Variants in ATAD2B observed in about 807,000 individuals in gnomAD.
ATAD2B encodes ATPase family AAA domain-containing protein 2B.
In ATAD2B, 40 loss-of-function variants were observed where a neutral mutation model predicts 167.6. That is an observed-to-expected ratio of 0.24 (90% CI 0.19 to 0.31). The LOEUF (loss-of-function observed/expected upper bound fraction) is 0.31, where lower values mean the gene tolerates loss of function less well. Among genes scored for constraint, ATAD2B ranks in the 10% least tolerant of loss-of-function variants. ATAD2B has a pLI of 1.00. For missense variants in ATAD2B, 1,242 were observed against 1,757.2 expected (o/e 0.71, Z 5.24); for synonymous variants, 579 against 596.5 (o/e 0.97, Z 0.43).
At position 23,834,076 on chromosome 2, in the gene ATAD2B, G is replaced by C; in HGVS notation, c.1571C>G (p.Ser524Cys). The change falls in exon 14 of 28, where the codon TCT becomes TGT. Residue 524 changes from serine (S) to cysteine (C), a missense_variant and splice_region_variant. This residue lies in a region of ATAD2B where 151 missense variants were observed against 284.1 expected (regional missense o/e 0.53). Transcript: ENST00000238789. ...AAGAGCAAGGAGGGTTGATACTATAGAGCTGTAAAATAATTTTCAGGCAAA... is the reference window on the plus strand; with the variant it reads ...AAGAGCAAGGAGGGTTGATACTATACAGCTGTAAAATAATTTTCAGGCAAA... The part of the protein sequence containing the change: ...RSSRQDQIHS[S>C]IVSTLLALMD... The C allele has an allele frequency of 6.5e-7, 1 of 1,533,820 alleles. No homozygotes were observed. The highest frequency in any genetic ancestry group is 8.8e-7 in the Non-Finnish European group (1 of 1,139,906).
At chr2:23,743,562 CA>C in the ATAD2B span, among the ~76,000 whole-genome samples, 22,190 of 83,080 alleles carry the variant, frequency 0.27, 1,752 homozygotes, top group Middle Eastern at 0.42. Flanking sequence ...AAATCCGACT[CA>C]AAAAAAAAAA....
intron 12 of ATAD2B, among the ~76,000 whole-genome samples, chr2:23,861,409 C>T (rs1016594910): frequency 5.3e-5 from 8 of 150,150 alleles, no homozygotes; most frequent in African/African-American, 2.0e-4. Flanking sequence ...TTAGCCAATA[C>T]ACTGTAGTGC....
chr2:23,740,106 G>A, the ATAD2B span, among the ~76,000 whole-genome samples: 15 of 152,216 alleles, frequency 9.9e-5, no homozygotes, highest in East Asian at 9.6e-4. Flanking sequence ...ATTCACAGCC[G>A]AATTCTACCA....
intron 18 of ATAD2B, among the ~76,000 whole-genome samples, chr2:23,807,763 C>G (rs59562845): frequency 0.63 from 91,518 of 145,914 alleles, 29,001 homozygotes; most frequent in East Asian, 0.78. Context: ...TTGCAGTGAG[C>G]TGAGATTGCG....
At chr2:23,720,676 G>A in the ATAD2B span, among the ~76,000 whole-genome samples, 1 of 152,014 alleles carries the variant, frequency 6.6e-6, no homozygotes, top group African/African-American at 2.4e-5. Context: ...AGTCAGGAGG[G>A]ACTTCCCATC....
chr2:23,791,057 AC>A (rs1681615173), intron 19 of ATAD2B, among the ~76,000 whole-genome samples: 2 of 152,186 alleles, frequency 1.3e-5, no homozygotes, highest in African/African-American at 4.8e-5. Flanking sequence ...CATACAACTG[AC>A]AGTCTTTTAT....
At chr2:23,792,962 C>CAATA (rs368967798) in intron 19 of ATAD2B, among the ~76,000 whole-genome samples, 4 of 42,556 alleles carry the variant, frequency 9.4e-5, no homozygotes, top group Non-Finnish European at 1.5e-4. Context: ...GACTCTGTCT[C>CAATA]AAAAAAAAAA....
rs1046994363 is a variant in ATAD2B at position 23,884,229 on chromosome 2, T to C, written c.784+536A>G. Among the ~76,000 whole-genome samples the C allele has an allele frequency of 2.6e-5, 4 of 152,216 alleles. 1 individual carries two copies. The highest frequency in any genetic ancestry group is 1.3e-4 in the Admixed American group (2 of 15,274). ...ATAATTCATGGGGCCAATGTGCTGCTGTCATGTTCCCAACTCTGGCCCTAC... is the reference window on the plus strand; with the variant it reads ...ATAATTCATGGGGCCAATGTGCTGCCGTCATGTTCCCAACTCTGGCCCTAC... On this transcript the variant is annotated intron_variant, in intron 6 of 27. Coordinates refer to ENST00000238789, the MANE Select transcript of ATAD2B (RefSeq NM_017552.4).
intron 15 of ATAD2B, among the ~76,000 whole-genome samples, chr2:23,827,424 T>C (rs1688420843): frequency 6.6e-6 from 1 of 152,206 alleles, no homozygotes; most frequent in African/African-American, 2.4e-5. Flanking sequence ...GTATATAATA[T>C]TTCAGATGGT....
At chr2:23,693,279 G>A in the ATAD2B span, 3 of 1,541,884 alleles carry the variant, frequency 1.9e-6, no homozygotes, top group Non-Finnish European at 1.8e-6. Context: ...AGAAGCAGCT[G>A]ACGGCCAGCA....
chr2:23,695,534 T>A, the ATAD2B span: 6 of 898,022 alleles, frequency 6.7e-6, no homozygotes, highest in Non-Finnish European at 1.0e-5. The surrounding 1 kb of genome is among the most constrained non-coding windows in gnomAD (Gnocchi z 7.6). Flanking sequence ...GAATTATCCA[T>A]TCTTGTGCAG....
At chr2:23,845,444 C>G (rs1280388012) in intron 13 of ATAD2B, among the ~76,000 whole-genome samples, 1 of 151,616 alleles carries the variant, frequency 6.6e-6, no homozygotes, top group African/African-American at 2.4e-5. Flanking sequence ...AAGCCAGACA[C>G]AAGAAACCAC....
chr2:23,869,314 A>G (rs1417930588), intron 9 of ATAD2B, among the ~76,000 whole-genome samples: 3 of 152,240 alleles, frequency 2.0e-5, no homozygotes, highest in South Asian at 2.1e-4. Flanking sequence ...TCTGACTGCT[A>G]TAATACTGTA....
chr2:23,794,273 G>T (rs1250727033), intron 19 of ATAD2B, among the ~76,000 whole-genome samples: 1 of 152,224 alleles, frequency 6.6e-6, no homozygotes, highest in Non-Finnish European at 1.5e-5. Context: ...GCCTTTCAAA[G>T]TGCTGGGATT....
intron 13 of ATAD2B, among the ~76,000 whole-genome samples, chr2:23,844,759 CAT>C (rs1356014183): frequency 1.3e-5 from 2 of 151,852 alleles, no homozygotes; most frequent in African/African-American, 4.8e-5. Flanking sequence ...AGAAACTTAA[CAT>C]ATGTGTAATT....
At chr2:23,754,338 AT>A (rs1488688121) in intron 26 of ATAD2B, 31 bp from the exon 27 acceptor site, 8 of 1,527,906 alleles carry the variant, frequency 5.2e-6, no homozygotes, top group Non-Finnish European at 6.2e-6. Flanking sequence ...ATAAAATGTA[AT>A]TTGATTTCAC....
At chr2:23,920,255 C>CA (rs941790354) in intron 1 of ATAD2B, among the ~76,000 whole-genome samples, 4 of 151,686 alleles carry the variant, frequency 2.6e-5, no homozygotes, top group South Asian at 2.1e-4. Context: ...AAACAACACA[C>CA]AAAAAAAAGA....
At chr2:23,754,902 G>T in intron 25 of ATAD2B, 128 bp from the exon 26 acceptor site, 1 of 968,508 alleles carries the variant, frequency 1.0e-6, no homozygotes, top group Non-Finnish European at 1.4e-6. Context: ...ATTCTTAAGT[G>T]ATTTTTTTTA....
chr2:23,769,051 T>C (rs988141817), intron 22 of ATAD2B, among the ~76,000 whole-genome samples: 1 of 152,210 alleles, frequency 6.6e-6, no homozygotes, highest in African/African-American at 2.4e-5. Flanking sequence ...CTAGGTCAAA[T>C]GATAGGTACG....
Sources: gnomAD v4.1 joint callset for allele counts (sites outside exome capture counted in the v4.1 genomes callset) on GRCh38, gnomAD v4.1.1 for gene constraint, gnomAD v4.1.1 regional missense constraint, Gnocchi (gnomAD v3.1) non-coding constraint, MANE v1.5 for transcripts, NCBI Gene and HGNC (gene_info 2026-07-23, HGNC 2026-07-21) for gene names.